IL1RAPL1: variants seen among roughly 807,000 people sequenced by gnomAD.
IL1RAPL1 encodes the protein interleukin-1 receptor accessory protein-like 1.
A neutral mutation model predicts 48.4 loss-of-function variants in IL1RAPL1; 3 were observed. The observed-to-expected ratio is 0.06, with a 90% CI of 0.03 to 0.16. The LOEUF is 0.16. Ranked by LOEUF, IL1RAPL1 falls within the 10% of genes least tolerant of loss-of-function variation. IL1RAPL1 has a pLI of 1.00. For missense variants in IL1RAPL1, 349 were observed against 530.6 expected, an observed-to-expected ratio of 0.66 and a Z score of 3.36; for synonymous variants, 185 against 187.7, an observed-to-expected ratio of 0.99 and a Z score of 0.12.
At position 29,888,422 on chromosome X, in the gene IL1RAPL1, C is replaced by T. The variant is rs753596188; in HGVS notation, c.779-29042C>T. 4.5e-5 allele frequency among the ~76,000 whole-genome samples: 5 copies of T among 110,206 alleles called. No homozygotes were observed. The South Asian group carries it at 1.9e-3, about 43-fold the overall frequency. On this transcript the variant is annotated intron_variant, in intron 6 of 10. Transcript: ENST00000378993. ...TATTTTTAGTAGAGATGTGGTTTCA[C>T]TTTGTTGGTTAGGCTGGTCTCAAAC...
chrX:28,829,094 T>G (rs191935994), intron 2 of IL1RAPL1, among the ~76,000 whole-genome samples: 172 of 112,084 alleles, frequency 1.5e-3, no homozygotes, highest in African/African-American at 5.5e-3. Context: ...GATTTATTAT[T>G]TTTGATATTA....
chrX:29,657,825 T>G (rs921649266), intron 5 of IL1RAPL1, among the ~76,000 whole-genome samples: 2 of 82,673 alleles, frequency 2.4e-5, no homozygotes, highest in African/African-American at 1.0e-4. Flanking sequence ...TTAGTGACTG[T>G]TTTTTTTTTT....
At chrX:28,705,871 T>C (rs1935369232) in intron 1 of IL1RAPL1, among the ~76,000 whole-genome samples, 1 of 112,234 alleles carries the variant, frequency 8.9e-6, no homozygotes, top group Admixed American at 9.4e-5. Context: ...GATAAATTAA[T>C]AAATGAAGTG....
intron 6 of IL1RAPL1, among the ~76,000 whole-genome samples, chrX:29,675,833 C>T (rs1207079387): frequency 8.9e-6 from 1 of 112,231 alleles, no homozygotes; most frequent in Non-Finnish European, 1.9e-5. Flanking sequence ...TCGTGATCTA[C>T]CCACCTTGGC....
At chrX:29,714,852 A>G (rs746600064) in intron 6 of IL1RAPL1, among the ~76,000 whole-genome samples, 7 of 111,333 alleles carry the variant, frequency 6.3e-5, no homozygotes, top group Admixed American at 9.5e-5. Flanking sequence ...CTCATACTCA[A>G]CAATTGCTCT....
At chrX:29,809,874 G>A (rs1930344373) in intron 6 of IL1RAPL1, among the ~76,000 whole-genome samples, 1 of 109,368 alleles carries the variant, frequency 9.1e-6, no homozygotes, top group African/African-American at 3.3e-5. Flanking sequence ...CTTCAGTAAG[G>A]GTGTGTTGGT....
chrX:28,876,425 G>T, intron 2 of IL1RAPL1, among the ~76,000 whole-genome samples: 1 of 111,759 alleles, frequency 8.9e-6, no homozygotes. Context: ...TGGCTGGGAG[G>T]GAAAAAAGAA....
intron 6 of IL1RAPL1, among the ~76,000 whole-genome samples, chrX:29,872,446 T>C (rs1317742543): frequency 9.0e-6 from 1 of 111,349 alleles, no homozygotes. Context: ...GATGTTTGTG[T>C]CTCCCCCAAA....
chrX:28,789,412 C>A lies in IL1RAPL1; in HGVS notation c.69C>A (p.Thr23=). 1 of 1,197,132 alleles carries A rather than the reference C, an allele frequency of 8.4e-7. No homozygotes were observed. Among genetic ancestry groups the A allele is most frequent in the Non-Finnish European group, 1.1e-6 (1 of 882,301 alleles). ...TTACTCAGAGTTTGAAGGTTGTGAC[C>A]AAAAGAGGCTCCGGTAAGCAGTATT... ...ATFTQSLKVV[T]KRGSADGCTD... Residue 23 remains threonine, a synonymous_variant, in exon 2 of 11, where the codon ACC becomes ACA. Transcript: ENST00000378993.
intron 3 of IL1RAPL1, among the ~76,000 whole-genome samples, chrX:29,388,365 A>AT (rs1933811080): frequency 6.6e-5 from 2 of 30,222 alleles, no homozygotes; most frequent in Non-Finnish European, 9.9e-5. Context: ...GATTAAAAAA[A>AT]ATATATATAT....
At chrX:29,803,035 A>G (rs1266959315) in intron 6 of IL1RAPL1, among the ~76,000 whole-genome samples, 2 of 81,329 alleles carry the variant, frequency 2.5e-5, no homozygotes, top group Non-Finnish European at 4.5e-5. Context: ...ACATGTATGC[A>G]TATATACATA....
intron 1 of IL1RAPL1, among the ~76,000 whole-genome samples, chrX:28,614,345 A>T (rs1934187407): frequency 9.0e-6 from 1 of 111,672 alleles, no homozygotes; most frequent in African/African-American, 3.3e-5. Context: ...TTTTCCTGGA[A>T]CTAAAGAGAG....
intron 3 of IL1RAPL1, among the ~76,000 whole-genome samples, chrX:29,331,110 T>G (rs1602174995): frequency 1.8e-5 from 2 of 111,407 alleles, no homozygotes; most frequent in Middle Eastern, 4.6e-3. Context: ...GAGGTTGCAG[T>G]GAGCTGAGAT....
chrX:28,653,697 A>G (rs2146905185), intron 1 of IL1RAPL1, among the ~76,000 whole-genome samples: 1 of 111,820 alleles, frequency 8.9e-6, no homozygotes, highest in South Asian at 3.8e-4. Context: ...CAATCCATTA[A>G]TTATTCTACA....
chrX:29,810,177 T>G (rs1200826955), intron 6 of IL1RAPL1, among the ~76,000 whole-genome samples: 2 of 109,093 alleles, frequency 1.8e-5, no homozygotes, highest in Non-Finnish European at 3.8e-5. Flanking sequence ...TATTATTTAT[T>G]TATTTATTTT....
intron 5 of IL1RAPL1, among the ~76,000 whole-genome samples, chrX:29,571,564 C>A (rs1277850368): frequency 2.7e-5 from 3 of 111,630 alleles, no homozygotes; most frequent in Non-Finnish European, 5.7e-5. Context: ...AATATAGTTT[C>A]CATAATCTCT....
chrX:29,630,786 C>A (rs1277134314), intron 5 of IL1RAPL1, among the ~76,000 whole-genome samples: 1 of 112,181 alleles, frequency 8.9e-6, no homozygotes, highest in African/African-American at 3.2e-5. Flanking sequence ...GATCCGCCCA[C>A]CTCGGCCTCC....
intron 5 of IL1RAPL1, among the ~76,000 whole-genome samples, chrX:29,664,302 G>A (rs1011218940): frequency 4.6e-5 from 5 of 109,146 alleles, no homozygotes; most frequent in Non-Finnish European, 1.9e-5. Context: ...TACTCGGGAG[G>A]CTGAGGTAGG....
chrX:29,272,043 T>C (rs1218717034), intron 2 of IL1RAPL1, among the ~76,000 whole-genome samples: 1 of 111,881 alleles, frequency 8.9e-6, no homozygotes, highest in Non-Finnish European at 1.9e-5. Flanking sequence ...TTTTAGGCGT[T>C]ACATTTAAGT....
Sources: gnomAD v4.1 joint callset for allele counts (sites outside exome capture counted in the v4.1 genomes callset) on GRCh38, gnomAD v4.1.1 for gene constraint, MANE v1.5 for transcripts, NCBI Gene and HGNC (gene_info 2026-07-23, HGNC 2026-07-21) for gene names.